Variants in PTPRD observed in about 807,000 individuals in gnomAD.
The protein encoded by PTPRD is receptor-type tyrosine-protein phosphatase delta.
PTPRD carries 34 observed loss-of-function variants against 214.5 expected under a neutral mutation model. The observed-to-expected ratio is 0.16, with a 90% CI of 0.12 to 0.21. PTPRD has a LOEUF of 0.21. Among genes scored for constraint, PTPRD ranks in the 10% least tolerant of loss-of-function variants. PTPRD has a pLI of 1.00. For missense variants in PTPRD, 2,545 were observed against 2,398.7 expected (o/e 1.06, Z -1.27); for synonymous variants, 1,128 against 845.7 (o/e 1.33, Z -5.79).
intron 3 of PTPRD, among the ~76,000 whole-genome samples, chr9:10,085,207 A>G (rs1185119105): frequency 6.6e-6 from 1 of 151,882 alleles, no homozygotes; most frequent in Non-Finnish European, 1.5e-5. Context: ...TAATTTATAA[A>G]TAAGTATATA....
In PTPRD at chr9:9,897,403, G is replaced by C. The variant is rs536527805; in HGVS notation, c.-368+41104C>G. ...AAGAAAAATATTTATTAGGATTTTT[G>C]TAAGTAAAAAATACATATTTGAGGG... On this transcript the variant is annotated intron_variant, in intron 5 of 45. Transcript: ENST00000381196. Among the ~76,000 whole-genome samples the C allele has an allele frequency of 7.9e-5, 12 of 151,894 alleles. No individual in the cohort carries two copies. In the South Asian group the frequency reaches 2.5e-3, roughly 32 times the overall value.
At chr9:10,549,574 G>A (rs1324438365) in intron 2 of PTPRD, among the ~76,000 whole-genome samples, 3 of 152,106 alleles carry the variant, frequency 2.0e-5, no homozygotes, top group East Asian at 1.9e-4. Context: ...GAACTACAGA[G>A]AGAACTTGAC....
At chr9:10,260,409 T>G (rs968559029) in intron 3 of PTPRD, among the ~76,000 whole-genome samples, 2 of 151,976 alleles carry the variant, frequency 1.3e-5, no homozygotes, top group African/African-American at 2.4e-5. Flanking sequence ...CAGGTCTCAG[T>G]TTTTTTTGTC....
intron 5 of PTPRD, among the ~76,000 whole-genome samples, chr9:9,913,007 G>A (rs1311464460): frequency 6.6e-6 from 1 of 151,890 alleles, no homozygotes; most frequent in Non-Finnish European, 1.5e-5. Context: ...CAGATTTTCT[G>A]TAAACATTCT....
chr9:8,877,695 A>C (rs2098406257), intron 11 of PTPRD, among the ~76,000 whole-genome samples: 1 of 152,192 alleles, frequency 6.6e-6, no homozygotes, highest in East Asian at 1.9e-4. Flanking sequence ...ATTTTTCAGC[A>C]ACATTTTCTA....
At chr9:8,701,103 G>A (rs1000688319) in intron 12 of PTPRD, among the ~76,000 whole-genome samples, 4 of 152,044 alleles carry the variant, frequency 2.6e-5, no homozygotes, top group Non-Finnish European at 5.9e-5. Context: ...GGAGGTTACA[G>A]TGAGCCAAGA....
intron 7 of PTPRD, among the ~76,000 whole-genome samples, chr9:9,603,232 T>C (rs148078244): frequency 1.2e-3 from 185 of 152,256 alleles, no homozygotes; most frequent in African/African-American, 4.2e-3. Flanking sequence ...AGCTTTATGT[T>C]GTCCATACTA....
intron 3 of PTPRD, among the ~76,000 whole-genome samples, chr9:10,083,227 A>C (rs1406657949): frequency 6.6e-6 from 1 of 152,030 alleles, no homozygotes; most frequent in Admixed American, 6.6e-5. Flanking sequence ...TCACTCATAC[A>C]TGATATCTTA....
chr9:10,546,692 AATAG>A (rs1238451028), intron 2 of PTPRD, among the ~76,000 whole-genome samples: 1 of 152,082 alleles, frequency 6.6e-6, no homozygotes, highest in African/African-American at 2.4e-5. Flanking sequence ...AATGAAGCAT[AATAG>A]ATAGTCAATT....
intron 10 of PTPRD, among the ~76,000 whole-genome samples, chr9:9,096,811 T>G (rs1007570832): frequency 3.3e-5 from 5 of 152,210 alleles, no homozygotes; most frequent in Non-Finnish European, 7.3e-5. Context: ...TATGGAGGCT[T>G]CATGAATGAG....
intron 3 of PTPRD, among the ~76,000 whole-genome samples, chr9:10,071,018 G>C (rs1180782970): frequency 6.6e-6 from 1 of 151,974 alleles, no homozygotes; most frequent in Non-Finnish European, 1.5e-5. Flanking sequence ...AAAAGATTAT[G>C]ATAGTACAAA....
chr9:9,736,140 G>T (rs893264514), intron 6 of PTPRD, among the ~76,000 whole-genome samples: 1 of 152,078 alleles, frequency 6.6e-6, no homozygotes, highest in Non-Finnish European at 1.5e-5. Flanking sequence ...ACAACACCTT[G>T]AACATATCAT....
At chr9:10,403,853 G>A (rs1427722033) in intron 2 of PTPRD, among the ~76,000 whole-genome samples, 1 of 151,640 alleles carries the variant, frequency 6.6e-6, no homozygotes, top group African/African-American at 2.4e-5. Context: ...CAAAGGGAAG[G>A]ATGAATAGGC....
intron 12 of PTPRD, among the ~76,000 whole-genome samples, chr9:8,721,168 C>T (rs765582591): frequency 1.3e-5 from 2 of 151,742 alleles, no homozygotes; most frequent in South Asian, 2.1e-4. Flanking sequence ...GTGGCTCACA[C>T]CTGTTATCCC....
At chr9:8,771,067 G>A (rs2095169648) in intron 11 of PTPRD, among the ~76,000 whole-genome samples, 1 of 151,846 alleles carries the variant, frequency 6.6e-6, no homozygotes, top group Non-Finnish European at 1.5e-5. Flanking sequence ...TGTAGTCCCA[G>A]CTACTTGGGA....
At chr9:9,260,810 T>C (rs949988604) in intron 9 of PTPRD, among the ~76,000 whole-genome samples, 1 of 151,876 alleles carries the variant, frequency 6.6e-6, no homozygotes, top group African/African-American at 2.4e-5. Flanking sequence ...CCTGTTCTCT[T>C]TAGGACAAAC....
chr9:9,809,250 C>T (rs2046386580), intron 5 of PTPRD, among the ~76,000 whole-genome samples: 1 of 150,230 alleles, frequency 6.7e-6, no homozygotes. Context: ...GATAAAGGGC[C>T]TTAGCCACAA....
At chr9:9,492,567 A>T (rs1260632379) in intron 8 of PTPRD, among the ~76,000 whole-genome samples, 1 of 152,138 alleles carries the variant, frequency 6.6e-6, no homozygotes, top group African/African-American at 2.4e-5. Flanking sequence ...GATCAAACTA[A>T]TTGATGTAGA....
intron 11 of PTPRD, among the ~76,000 whole-genome samples, chr9:8,882,287 C>T (rs2098452832): frequency 6.6e-6 from 1 of 152,120 alleles, no homozygotes; most frequent in Admixed American, 6.6e-5. Context: ...TTTAAACTTA[C>T]AGCTTTGGAA....
Sources: gnomAD v4.1 joint callset for allele counts (sites outside exome capture counted in the v4.1 genomes callset) on GRCh38, gnomAD v4.1.1 for gene constraint, MANE v1.5 for transcripts, NCBI Gene and HGNC (gene_info 2026-07-23, HGNC 2026-07-21) for gene names.